The following BABAM2 variants were observed in gnomAD, a reference collection of about 807,000 sequenced individuals.
BABAM2 encodes BRISC and BRCA1 A complex member 2.
Under a neutral mutation model 54.7 loss-of-function variants are expected in BABAM2, and 31 were observed. The observed-to-expected ratio is 0.57, with a 90% CI of 0.43 to 0.77. The LOEUF is 0.77. Among genes scored for constraint, BABAM2 ranks in the 30% least tolerant of loss-of-function variants. The probability of loss-of-function intolerance (pLI) is 0.00; values close to 1 mark genes in which losing one functional copy is unlikely to be tolerated. For synonymous variants in BABAM2, 167 were observed against 162.9 expected (o/e 1.03, Z -0.19); for missense variants, 364 against 455.8 (o/e 0.80, Z 1.83).
intron 5 of BABAM2, among the ~76,000 whole-genome samples, chr2:28,041,206 CAT>C (rs911449740): frequency 1.3e-5 from 2 of 151,986 alleles, no homozygotes; most frequent in African/African-American, 4.8e-5. Flanking sequence ...TAAAATCAGG[CAT>C]ATATATATAC....
intron 10 of BABAM2, among the ~76,000 whole-genome samples, chr2:28,265,547 G>C (rs2148145877): frequency 6.6e-6 from 1 of 152,248 alleles, no homozygotes; most frequent in African/African-American, 2.4e-5. Flanking sequence ...ATGACTCCTG[G>C]GTATTGCCAG....
At chr2:28,237,785 C>T (rs964451239) in intron 8 of BABAM2, among the ~76,000 whole-genome samples, 3 of 152,164 alleles carry the variant, frequency 2.0e-5, no homozygotes, top group East Asian at 1.9e-4. Flanking sequence ...TGATTCTTCC[C>T]GTCATATCTG....
Position 28,163,852 on chromosome 2 carries a change from C to A in BABAM2, c.680+34472C>A, listed in dbSNP as rs951656913. Among the ~76,000 whole-genome samples, 4 of 152,084 alleles carry A rather than the reference C, an allele frequency of 2.6e-5. No individual in the cohort carries two copies. In the East Asian group the frequency reaches 7.7e-4, roughly 29 times the overall value. On this transcript the variant is annotated intron_variant, in intron 7 of 11. Transcript: ENST00000379624. ...GGAGATGAGAATTGAGGCCATCCAC[C>A]CCTTGTGGGTGTTTTCCTCAGGGCA...
rs181620941 is a variant in BABAM2 at position 28,337,658 on chromosome 2, C to T, written c.1089-792C>T. Among the ~76,000 whole-genome samples, 92 of 152,252 alleles carry T rather than the reference C, an allele frequency of 6.0e-4. 2 individuals carry two copies. Among genetic ancestry groups the T allele is most frequent in the African/African-American group, 1.6e-3 (68 of 41,544 alleles). On this transcript the variant is annotated intron_variant, in intron 11 of 11. Coordinates refer to ENST00000379624, the MANE Select transcript of BABAM2 (RefSeq NM_199191.3). ...TTTCCAGTAGACCAGACTGCATGTG[C>T]GTTTGGAAATAAATGGAGCCCATGA...
In BABAM2 at chr2:28,304,196, C is replaced by T. The variant is rs193092970; in HGVS notation, c.1088+5705C>T. 5.4e-4 allele frequency among the ~76,000 whole-genome samples: 81 copies of T among 150,970 alleles called. No homozygotes were observed. Among genetic ancestry groups the T allele is most frequent in the Non-Finnish European group, 1.0e-3 (67 of 67,094 alleles). On this transcript the variant is annotated intron_variant, in intron 11 of 11. Coordinates refer to ENST00000379624, the MANE Select transcript of BABAM2 (RefSeq NM_199191.3). The surrounding 1 kb of genome is among the most constrained non-coding windows in gnomAD (Gnocchi z 4.0). The stretch of plus-strand genomic sequence containing the variant: ...TCAGCCTTCCTAGTAGCTGGGATTA[C>T]AGGCGCCCGCCACTATGCCCGGCCA...
chr2:28,334,469 T>G (rs1691245725), intron 11 of BABAM2, among the ~76,000 whole-genome samples: 1 of 152,256 alleles, frequency 6.6e-6, no homozygotes, highest in African/African-American at 2.4e-5. Flanking sequence ...CTCCCCTTGA[T>G]GTTCGTAGCT....
chr2:28,235,646 T>TTTTGTTTGTTTG (rs369010050), intron 7 of BABAM2, among the ~76,000 whole-genome samples: 1 of 151,600 alleles, frequency 6.6e-6, no homozygotes, highest in African/African-American at 2.4e-5. Flanking sequence ...TAAACTCTTT[T>TTTTGTTTGTTTG]TTTGTTTGTT....
At chr2:27,928,601 A>C (rs950816557) in intron 2 of BABAM2, among the ~76,000 whole-genome samples, 1 of 152,142 alleles carries the variant, frequency 6.6e-6, no homozygotes, top group Non-Finnish European at 1.5e-5. Flanking sequence ...GAAGTTGTAC[A>C]TTTATTTCAA....
In BABAM2 at chr2:27,995,665, C is replaced by T. The variant is rs936093000; in HGVS notation, c.300+7578C>T. ...CTCAATCTCGGCTCACTGCAAGCTCCGCCTCCCGGGTTCACGCCATTCTCC... is the reference window on the plus strand; with the variant it reads ...CTCAATCTCGGCTCACTGCAAGCTCTGCCTCCCGGGTTCACGCCATTCTCC... On this transcript the variant is annotated intron_variant, in intron 4 of 11. Coordinates refer to ENST00000379624, the MANE Select transcript of BABAM2 (RefSeq NM_199191.3). The surrounding 1 kb of genome is among the most constrained non-coding windows in gnomAD (Gnocchi z 4.1). 9.2e-5 allele frequency among the ~76,000 whole-genome samples: 14 copies of T among 152,066 alleles called. No individual in the cohort carries two copies. The highest frequency in any genetic ancestry group is 2.7e-4 in the African/African-American group (11 of 41,420).
At chr2:28,334,512 AACTT>A (rs1277459737) in intron 11 of BABAM2, among the ~76,000 whole-genome samples, 1 of 152,156 alleles carries the variant, frequency 6.6e-6, no homozygotes, top group Non-Finnish European at 1.5e-5. Flanking sequence ...CCTCACCTCT[AACTT>A]AGGGAACATT....
chr2:28,164,589 G>A (rs928326876), intron 7 of BABAM2, among the ~76,000 whole-genome samples: 2 of 149,078 alleles, frequency 1.3e-5, no homozygotes, highest in East Asian at 3.9e-4. Flanking sequence ...GCCTTTGCTT[G>A]TTTTGTTTTG....
chr2:28,254,753 A>T (rs1194674683), intron 10 of BABAM2, among the ~76,000 whole-genome samples: 2 of 129,340 alleles, frequency 1.5e-5, no homozygotes, highest in Non-Finnish European at 1.6e-5. Flanking sequence ...TTTTTTTGAG[A>T]CAGGGTCTTG....
chr2:28,237,222 C>T lies in BABAM2; in HGVS notation c.701C>T (p.Ala234Val). The T allele has an allele frequency of 6.2e-7, 1 of 1,613,852 alleles. No individual in the cohort carries two copies. The highest frequency in any genetic ancestry group is 8.5e-7 in the Non-Finnish European group (1 of 1,179,820). The change falls in exon 8 of 12, where the codon GCT (alanine) becomes GTT (valine). Residue 234 changes from alanine to valine, a missense_variant. Physicochemically the swap from Ala to Val is moderately conservative, Grantham distance 64. Coordinates refer to ENST00000379624, the MANE Select transcript of BABAM2 (RefSeq NM_199191.3). Reference sequence around the variant, plus strand: ...TTCAGTGCACTTGGAGGCTCCTCAGCTCTTCATATCCCAGCTTTTCCAGGA... The same window carrying T: ...TTCAGTGCACTTGGAGGCTCCTCAGTTCTTCATATCCCAGCTTTTCCAGGA... Reference protein sequence around the residue: ...RIEHALGGSSALHIPAFPGGG... With the variant: ...RIEHALGGSSVLHIPAFPGGG...
chr2:28,008,928 A>G (rs529944644), intron 4 of BABAM2, among the ~76,000 whole-genome samples: 106 of 152,218 alleles, frequency 7.0e-4, no homozygotes, highest in Non-Finnish European at 1.2e-3. Flanking sequence ...GGTGATATTC[A>G]TTGTTAGAAG....
At chr2:28,040,547 G>A (rs1332695014) in intron 5 of BABAM2, among the ~76,000 whole-genome samples, 6 of 151,760 alleles carry the variant, frequency 4.0e-5, no homozygotes, top group Admixed American at 1.3e-4. Context: ...TGATCCGCCC[G>A]CCTCGGCCTC....
chr2:28,128,319 A>G (rs1669750587), intron 6 of BABAM2, among the ~76,000 whole-genome samples: 1 of 152,268 alleles, frequency 6.6e-6, no homozygotes, highest in South Asian at 2.1e-4. Context: ...TGGAGCCACT[A>G]CCAACCAAAA....
intron 6 of BABAM2, among the ~76,000 whole-genome samples, chr2:28,081,142 C>T (rs1346143083): frequency 1.3e-5 from 2 of 152,104 alleles, no homozygotes; most frequent in Non-Finnish European, 1.5e-5. Context: ...GGCAGGAAAA[C>T]GTAGTGCAGC....
intron 5 of BABAM2, among the ~76,000 whole-genome samples, chr2:28,036,949 C>T (rs900652273): frequency 2.0e-5 from 3 of 152,142 alleles, no homozygotes; most frequent in Non-Finnish European, 4.4e-5. Flanking sequence ...TTAAGTTCTC[C>T]ATTATCTAGC....
At chr2:27,975,312 A>G (rs1432735237) in intron 3 of BABAM2, among the ~76,000 whole-genome samples, 2 of 152,096 alleles carry the variant, frequency 1.3e-5, no homozygotes, top group Non-Finnish European at 2.9e-5. Context: ...GAAAAGAACA[A>G]TAAAAATGGA....
Sources: allele counts gnomAD v4.1 joint callset (sites outside exome capture counted in the v4.1 genomes callset), GRCh38; gene constraint gnomAD v4.1.1; non-coding constraint Gnocchi (gnomAD v3.1); transcripts MANE v1.5; gene names NCBI Gene and HGNC (gene_info 2026-07-23, HGNC 2026-07-21).